Variants in C10orf105 observed in about 807,000 individuals in gnomAD.
The protein encoded by C10orf105 is uncharacterized protein C10orf105.
In C10orf105, 2 loss-of-function variants were observed where a neutral mutation model predicts 0.6. The observed-to-expected ratio is 3.18, with a 90% CI of 1.30 to 10.01. The LOEUF is 10.01. Ranked by LOEUF, C10orf105 falls within the 30% of genes most tolerant of loss-of-function variation. The pLI is 0.04. For missense variants in C10orf105, 209 were observed against 191.4 expected (o/e 1.09, Z -0.54); for synonymous variants, 95 against 82.4 (o/e 1.15, Z -0.83).
At chr10:71,731,104 C>T (rs1407710078) in intron 1 of C10orf105, among the ~76,000 whole-genome samples, 1 of 152,202 alleles carries the variant, frequency 6.6e-6, no homozygotes, top group Non-Finnish European at 1.5e-5. Context: ...TGCTGAGGGC[C>T]CAAGCCCCAG....
chr10:71,718,565 G>A (rs1564754377), intron 1 of C10orf105, among the ~76,000 whole-genome samples: 3 of 152,238 alleles, frequency 2.0e-5, no homozygotes, highest in Admixed American at 6.5e-5. Context: ...TGTGCCCACC[G>A]CTCATTCCCG....
chr10:71,716,312 G>A lies in C10orf105; in HGVS notation c.26C>T (p.Ala9Val), dbSNP rs1331041447. The A allele has an allele frequency of 6.0e-6, 9 of 1,502,146 alleles. No homozygotes were observed. Among genetic ancestry groups the A allele is most frequent in the Non-Finnish European group, 8.0e-6 (9 of 1,120,184 alleles). 93.1% of individuals were successfully genotyped at this position (1,502,146 alleles called of 1,614,324 possible). ...GAGGGGGCTGATGGCTGGGGAGCTG[G>A]CGAGGCTGGGGCCCTCTGTGCTCAT... MSTEGPSL[A>V]SSPAISPLAF... The change falls in exon 2 of 2, where the codon GCC becomes GTC. Residue 9 changes from alanine (A) to valine (V), a missense_variant. Physicochemically the swap from Ala to Val is moderately conservative, Grantham distance 64. Transcript: ENST00000441508.
intron 1 of C10orf105, chr10:71,725,222 C>T: frequency 6.9e-7 from 1 of 1,454,330 alleles, no homozygotes; most frequent in Non-Finnish European, 9.7e-7. Context: ...CTCCAGCTTC[C>T]TCTCCACTGT....
chr10:71,725,451 G>A, intron 1 of C10orf105: 1 of 1,614,046 alleles, frequency 6.2e-7, no homozygotes, highest in Non-Finnish European at 8.5e-7. Flanking sequence ...ACCGGGAGCG[G>A]AACTCATCCC....
chr10:71,725,245 C>A, intron 1 of C10orf105: 1 of 1,500,558 alleles, frequency 6.7e-7, no homozygotes, highest in Non-Finnish European at 9.3e-7. Context: ...ATTCTGTGTC[C>A]CAGAAGACCC....
chr10:71,725,855 G>T (rs776115146), intron 1 of C10orf105, among the ~76,000 whole-genome samples: 1 of 152,146 alleles, frequency 6.6e-6, no homozygotes, highest in Admixed American at 6.5e-5. Context: ...GATCTTGGAG[G>T]TACAGATGCT....
At chr10:71,724,000 G>A (rs2132799791), upstream of C10orf105, 2 of 1,548,638 alleles carry the variant, frequency 1.3e-6, no homozygotes, top group East Asian at 4.9e-5. Context: ...TTCTCTCCCT[G>A]CTGGGTGGCA....
chr10:71,723,641 A>G (rs1866668091), upstream of C10orf105, among the ~76,000 whole-genome samples: 1 of 152,188 alleles, frequency 6.6e-6, no homozygotes, highest in Non-Finnish European at 1.5e-5. Flanking sequence ...AATGCGGGCA[A>G]GAAGTAGCCA....
intron 1 of C10orf105, chr10:71,725,542 G>T: frequency 6.2e-7 from 1 of 1,607,786 alleles, no homozygotes. Context: ...GGCGGGCTGG[G>T]GTGCTGACCT....
chr10:71,731,668 C>T (rs1379017855), intron 1 of C10orf105, among the ~76,000 whole-genome samples: 1 of 152,164 alleles, frequency 6.6e-6, no homozygotes, highest in African/African-American at 2.4e-5. Flanking sequence ...TCCCCCAATG[C>T]TTGTATGTCC....
chr10:71,721,286 A>G (rs1866543795), upstream of C10orf105, among the ~76,000 whole-genome samples: 1 of 152,184 alleles, frequency 6.6e-6, no homozygotes, highest in Non-Finnish European at 1.5e-5. Flanking sequence ...CAGGGAATGG[A>G]GAGAGAAAGA....
rs1412914584 is a variant in C10orf105 at position 71,712,501 on chromosome 10, G to A, written c.*3435C>T. ...GTTATCTAAGTATTTGATACTGTTA[G>A]TGTTATTCCTAAGCTAAAAAGGAAG... On this transcript the variant is annotated 3_prime_UTR_variant, in exon 2 of 2. Coordinates refer to ENST00000441508, the MANE Select transcript of C10orf105 (RefSeq NM_001164375.3). The A allele has an allele frequency of 3.0e-6, 2 of 657,948 alleles. No homozygotes were observed. The highest frequency in any genetic ancestry group is 3.6e-5 in the African/African-American group (2 of 55,004). 40.8% of individuals were successfully genotyped at this position (657,948 alleles called of 1,614,324 possible).
intron 1 of C10orf105, chr10:71,734,785 C>T: frequency 3.5e-6 from 2 of 569,226 alleles, no homozygotes; most frequent in African/African-American, 1.9e-5. Context: ...CTGCAGCAGG[C>T]CCCCTCCCAG....
chr10:71,716,153 G>T lies in C10orf105; in HGVS notation c.185C>A (p.Ala62Asp). The T allele has an allele frequency of 6.4e-7, 1 of 1,550,534 alleles. No homozygotes were observed. Among genetic ancestry groups the T allele is most frequent in the South Asian group, 1.2e-5 (1 of 84,000 alleles). ...CLLFMTLCKPAALDPSRRRAH... is the reference protein window; with the variant it reads ...CLLFMTLCKPDALDPSRRRAH... ...CCTGCGGCGGCTCGGGTCCAGCGCG[G>T]CCGGCTTGCAGAGCGTCATGAACAG... The change falls in exon 2 of 2, where the codon GCC becomes GAC. Residue 62 changes from alanine (A) to aspartate (D), a missense_variant. Ala to Asp is a moderately radical substitution (Grantham distance 126, BLOSUM62 -2). Coordinates refer to ENST00000441508, the MANE Select transcript of C10orf105 (RefSeq NM_001164375.3).
At chr10:71,736,674 G>A (rs770289095) in intron 1 of C10orf105, among the ~76,000 whole-genome samples, 2 of 152,172 alleles carry the variant, frequency 1.3e-5, no homozygotes, top group Non-Finnish European at 2.9e-5. Context: ...CCCCTGCCTT[G>A]CAGCCTCACC....
chr10:71,728,997 A>AT (rs894390882), intron 1 of C10orf105, among the ~76,000 whole-genome samples: 8 of 150,460 alleles, frequency 5.3e-5, no homozygotes, highest in South Asian at 2.1e-4. Flanking sequence ...CCCCTGGCTA[A>AT]TTTTTTTTTG....
rs769524849 is a variant in C10orf105, at chr10:71,712,814, G to A, written c.*3122C>T. On this transcript the variant is annotated 3_prime_UTR_variant, in exon 2 of 2. Coordinates refer to ENST00000441508, the MANE Select transcript of C10orf105 (RefSeq NM_001164375.3). ...CCCTGAAGGCCACAGCATCTTGCAG[G>A]CAGGTGGCCCGTGGCCTCTGGGGCA... 2 of 1,610,956 alleles carry A rather than the reference G, an allele frequency of 1.2e-6. No homozygotes were observed. Among genetic ancestry groups the A allele is most frequent in the Non-Finnish European group, 1.7e-6 (2 of 1,178,922 alleles).
intron 1 of C10orf105, among the ~76,000 whole-genome samples, chr10:71,718,193 G>T (rs537351714): frequency 3.3e-5 from 5 of 152,104 alleles, no homozygotes; most frequent in Non-Finnish European, 7.4e-5. Flanking sequence ...GTCAGGTCAC[G>T]CTCAGAGAAA....
At chr10:71,724,710 G>C (rs778315390), upstream of C10orf105, among the ~76,000 whole-genome samples, 1 of 152,200 alleles carries the variant, frequency 6.6e-6, no homozygotes, top group Non-Finnish European at 1.5e-5. Context: ...CCAGCAGCAC[G>C]CTCCCCAGGG....
Sources: allele counts gnomAD v4.1 joint callset (sites outside exome capture counted in the v4.1 genomes callset), GRCh38; gene constraint gnomAD v4.1.1; transcripts MANE v1.5; gene names NCBI Gene and HGNC (gene_info 2026-07-23, HGNC 2026-07-21).